Variants in LRRC49 observed in about 807,000 individuals in gnomAD.
The protein encoded by LRRC49 is leucine rich repeat containing 49.
A neutral mutation model predicts 83.3 loss-of-function variants in LRRC49; 50 were observed. That is an observed-to-expected ratio of 0.60 (90% CI 0.48 to 0.76). LRRC49 has a LOEUF of 0.76. Among genes scored for constraint, LRRC49 ranks in the 30% least tolerant of loss-of-function variants. The pLI is 0.00. For missense variants in LRRC49, 704 were observed against 809.1 expected, an observed-to-expected ratio of 0.87 and a Z score of 1.58; for synonymous variants, 286 against 283.3, an observed-to-expected ratio of 1.01 and a Z score of -0.10.
In LRRC49 at chr15:71,049,443, A is replaced by G; in HGVS notation, c.1892A>G (p.Tyr631Cys). The G allele has an allele frequency of 3.1e-6, 5 of 1,610,482 alleles. No homozygotes were observed. Among genetic ancestry groups the G allele is most frequent in the Non-Finnish European group, 4.2e-6 (5 of 1,177,848 alleles). Reference sequence around the variant, plus strand: ...GAAAAGAAGAAATTCTGTAAAACATATATAGAAGACCTTGTGAAGGAAGCC... The same window carrying G: ...GAAAAGAAGAAATTCTGTAAAACATGTATAGAAGACCTTGTGAAGGAAGCC... ...IKEKKKFCKT[Y>C]IEDLVKEATE... is the part of the protein sequence containing the mutation. The change falls in exon 16 of 16, where the codon TAT becomes TGT. Residue 631 changes from tyrosine to cysteine, a missense_variant. Transcript: ENST00000260382.
intron 15 of LRRC49, among the ~76,000 whole-genome samples, chr15:71,045,057 A>AT (rs551370706): frequency 2.1e-4 from 32 of 150,836 alleles, no homozygotes; most frequent in African/African-American, 5.6e-4. Context: ...CACCTGGCTA[A>AT]TTTTTTTTGT....
intron 15 of LRRC49, among the ~76,000 whole-genome samples, chr15:71,044,452 C>A (rs2039790315): frequency 6.6e-6 from 1 of 152,160 alleles, no homozygotes; most frequent in Non-Finnish European, 1.5e-5. Context: ...TGTTAACTTA[C>A]ATTAATTAAT....
chr15:70,919,756 G>A lies in LRRC49; in HGVS notation c.711+563G>A, dbSNP rs185860837. 3.1e-4 allele frequency among the ~76,000 whole-genome samples: 47 copies of A among 152,246 alleles called. 1 individual carries two copies. The highest frequency in any genetic ancestry group is 1.1e-3 in the African/African-American group (45 of 41,556). ...CTCAGTTTAGCTTTTTCTAAAATGAGGACATTGGACCAGTTTGACTCTAGG... is the reference window on the plus strand; with the variant it reads ...CTCAGTTTAGCTTTTTCTAAAATGAAGACATTGGACCAGTTTGACTCTAGG... On this transcript the variant is annotated intron_variant, in intron 7 of 15. Transcript: ENST00000260382.
At chr15:70,856,781 G>A (rs1012109772) in intron 1 of LRRC49, among the ~76,000 whole-genome samples, 5 of 152,158 alleles carry the variant, frequency 3.3e-5, no homozygotes, top group South Asian at 2.1e-4. Flanking sequence ...TGTTGCACCC[G>A]ATTTTGTCTA....
intron 8 of LRRC49, among the ~76,000 whole-genome samples, chr15:70,952,203 C>T (rs189550909): frequency 2.0e-5 from 3 of 148,802 alleles, no homozygotes; most frequent in East Asian, 3.9e-4. Context: ...TCATCAGGGA[C>T]GTTGGCATGA....
At chr15:70,970,089 T>C (rs2036940086) in intron 9 of LRRC49, among the ~76,000 whole-genome samples, 1 of 152,212 alleles carries the variant, frequency 6.6e-6, no homozygotes, top group Non-Finnish European at 1.5e-5. Context: ...CTTTTGCACA[T>C]TCAGTATGAT....
intron 7 of LRRC49, among the ~76,000 whole-genome samples, chr15:70,926,269 G>A (rs1019235609): frequency 6.6e-6 from 1 of 152,072 alleles, no homozygotes; most frequent in Non-Finnish European, 1.5e-5. Flanking sequence ...TTTAGAGATA[G>A]GGTCTCATTA....
At chr15:70,970,425 T>C (rs769727651) in intron 9 of LRRC49, among the ~76,000 whole-genome samples, 14 of 152,242 alleles carry the variant, frequency 9.2e-5, no homozygotes, top group Admixed American at 6.5e-5. Flanking sequence ...TCAGGGATAC[T>C]GGCCTGAAAT....
intron 8 of LRRC49, among the ~76,000 whole-genome samples, chr15:70,956,854 A>G (rs916608026): frequency 2.6e-5 from 4 of 152,332 alleles, no homozygotes; most frequent in Non-Finnish European, 4.4e-5. Flanking sequence ...CAAAGCATAA[A>G]GACTTCAGTC....
At chr15:70,882,948 C>G in intron 2 of LRRC49, 1 of 1,604,210 alleles carries the variant, frequency 6.2e-7, no homozygotes, top group Non-Finnish European at 8.5e-7. Context: ...TTAAAGTGTA[C>G]CTTATAGGAT....
intron 5 of LRRC49, among the ~76,000 whole-genome samples, chr15:70,905,620 A>T (rs1206236818): frequency 1.3e-5 from 2 of 152,248 alleles, no homozygotes; most frequent in Non-Finnish European, 2.9e-5. Flanking sequence ...TTATAAATGA[A>T]TATCCTCCAA....
chr15:70,886,591 G>A (rs370010041), intron 2 of LRRC49, among the ~76,000 whole-genome samples: 5 of 152,142 alleles, frequency 3.3e-5, no homozygotes, highest in Non-Finnish European at 5.9e-5. Flanking sequence ...AAACCGGTGG[G>A]GTGCGGTGGC....
intron 2 of LRRC49, 191 bp from the exon 3 acceptor site, chr15:70,895,658 A>G (rs186618270): frequency 8.2e-6 from 4 of 487,084 alleles, no homozygotes; most frequent in South Asian, 3.1e-5. Flanking sequence ...GAAGCCACAA[A>G]TATGCTTTCC....
At chr15:70,904,439 A>G in intron 4 of LRRC49, 113 bp from the exon 5 acceptor site, 3 of 680,694 alleles carry the variant, frequency 4.4e-6, no homozygotes, top group South Asian at 4.0e-5. Flanking sequence ...AAGTGGTCCA[A>G]CTTATTTTTT....
chr15:70,966,387 A>C (rs2036795218), intron 9 of LRRC49, among the ~76,000 whole-genome samples: 5 of 152,034 alleles, frequency 3.3e-5, no homozygotes. Flanking sequence ...TTTCAACATG[A>C]CCTCACACTA....
chr15:71,032,662 C>T (rs949597402), intron 14 of LRRC49, among the ~76,000 whole-genome samples: 2 of 152,154 alleles, frequency 1.3e-5, no homozygotes, highest in African/African-American at 2.4e-5. Context: ...GCTTATTCAA[C>T]ACCATCACTT....
chr15:70,892,267 C>T (rs757113628), upstream of LRRC49: 8 of 1,565,638 alleles, frequency 5.1e-6, no homozygotes, highest in South Asian at 2.3e-5. Flanking sequence ...CACAACGGGC[C>T]GGCATGGCGG....
intron 8 of LRRC49, among the ~76,000 whole-genome samples, chr15:70,958,490 A>G (rs939891331): frequency 6.6e-6 from 1 of 152,222 alleles, no homozygotes; most frequent in African/African-American, 2.4e-5. Flanking sequence ...CATTGCCTTC[A>G]GAAGCATTTT....
rs767595626 is a variant in LRRC49 at position 70,898,049 on chromosome 15, C to T, written c.193+2113C>T. Among the ~76,000 whole-genome samples the T allele has an allele frequency of 1.7e-3, 256 of 152,290 alleles. 2 individuals carry two copies. Among genetic ancestry groups the T allele is most frequent in the Non-Finnish European group, 7.9e-4 (54 of 68,022 alleles). On this transcript the variant is annotated intron_variant, in intron 3 of 15. Coordinates refer to ENST00000260382, the MANE Select transcript of LRRC49 (RefSeq NM_017691.5). ...TCAAAGACATGGCCGAGTGGACACA[C>T]ATATATGGCAATATGTACTATGCCG...
Sources: gnomAD v4.1 joint callset for allele counts (sites outside exome capture counted in the v4.1 genomes callset) on GRCh38, gnomAD v4.1.1 for gene constraint, MANE v1.5 for transcripts, NCBI Gene and HGNC (gene_info 2026-07-23, HGNC 2026-07-21) for gene names.